PXYLP1: variants seen among roughly 807,000 people sequenced by gnomAD.
PXYLP1 encodes the protein acid phosphatase-like 2.
PXYLP1 carries 17 observed loss-of-function variants against 37.9 expected under a neutral mutation model. The ratio of observed to expected loss-of-function variants is 0.45; its 90% CI spans 0.31 to 0.67. The LOEUF (loss-of-function observed/expected upper bound fraction) is 0.67, where lower values mean the gene tolerates loss of function less well. PXYLP1 is among the 30% of genes least tolerant of loss of function. PXYLP1 has a pLI of 0.07. For missense variants in PXYLP1, 511 were observed against 612.0 expected (o/e 0.84, Z 1.74); for synonymous variants, 221 against 232.2 (o/e 0.95, Z 0.44).
At chr3:141,278,212 C>T (rs1319161057) in intron 2 of PXYLP1, 130 bp from the exon 3 acceptor site, 20 of 1,054,770 alleles carry the variant, frequency 1.9e-5, no homozygotes, top group Non-Finnish European at 2.5e-5. Context: ...GACTTCTGCT[C>T]CACTGAAGTG....
intron 2 of PXYLP1, among the ~76,000 whole-genome samples, chr3:141,266,139 A>G (rs1364274497): frequency 6.6e-6 from 1 of 152,240 alleles, no homozygotes; most frequent in Non-Finnish European, 1.5e-5. Context: ...TCCTTGGAGC[A>G]GTGGAAGCTG....
intron 2 of PXYLP1, among the ~76,000 whole-genome samples, chr3:141,276,111 G>C (rs1941788336): frequency 6.6e-6 from 1 of 152,254 alleles, no homozygotes; most frequent in Non-Finnish European, 1.5e-5. Flanking sequence ...TGACCAAATA[G>C]CCTAGGTGTG....
At chr3:141,261,173 G>A (rs143385182) in intron 2 of PXYLP1, among the ~76,000 whole-genome samples, 15 of 152,000 alleles carry the variant, frequency 9.9e-5, no homozygotes, top group Non-Finnish European at 2.2e-4. Context: ...TTGAAATAGG[G>A]TCTTAGTCTG....
At chr3:141,236,662 T>C (rs545577746) in intron 1 of PXYLP1, among the ~76,000 whole-genome samples, 2 of 152,350 alleles carry the variant, frequency 1.3e-5, no homozygotes, top group South Asian at 4.1e-4. Context: ...AAAATGAAGC[T>C]CTTACTTGCT....
At chr3:141,273,065 G>A in intron 2 of PXYLP1, 3 of 985,456 alleles carry the variant, frequency 3.0e-6, no homozygotes, top group Non-Finnish European at 3.6e-6. Flanking sequence ...CAACCAGTGA[G>A]TGCAGGGGGC....
intron 4 of PXYLP1, among the ~76,000 whole-genome samples, chr3:141,286,047 A>G (rs1459441467): frequency 3.3e-5 from 5 of 152,184 alleles, no homozygotes; most frequent in Admixed American, 3.3e-4. Context: ...GGGCCTTCAG[A>G]CAGCAGGGGT....
At position 141,292,556 on chromosome 3, in the gene PXYLP1, G is replaced by A. The variant is rs140468634; in HGVS notation, c.794G>A (p.Arg265His). ...EKEQRRQYLL[R>H]LKNSQLEKTY... ...GAGCAGCGTCGTCAGTACCTCCTACGTTTGAAAAACAGCCAGCTGGAGAAG... is the reference window on the plus strand; with the variant it reads ...GAGCAGCGTCGTCAGTACCTCCTACATTTGAAAAACAGCCAGCTGGAGAAG... The change falls in exon 6 of 6, where the codon CGT (arginine) becomes CAT (histidine). Residue 265 changes from arginine to histidine, a missense_variant. Physicochemically the swap from Arg to His is conservative, Grantham distance 29. Transcript: ENST00000286353. The surrounding 1 kb of genome is among the most constrained non-coding windows in gnomAD (Gnocchi z 4.3). 25 of 1,614,028 alleles carry A rather than the reference G, an allele frequency of 1.5e-5. No individual in the cohort carries two copies. Among genetic ancestry groups the A allele is most frequent in the African/African-American group, 5.3e-5 (4 of 74,904 alleles).
At chr3:141,274,878 G>A (rs146326631) in intron 2 of PXYLP1, among the ~76,000 whole-genome samples, 223 of 152,280 alleles carry the variant, frequency 1.5e-3, no homozygotes, top group African/African-American at 5.3e-3. Flanking sequence ...GTCAGATTTC[G>A]GGAGCAGAGG....
At chr3:141,260,358 A>T (rs1357919677) in intron 2 of PXYLP1, 104 bp downstream of exon 2, 1 of 1,326,150 alleles carries the variant, frequency 7.5e-7, no homozygotes, top group African/African-American at 1.5e-5. Context: ...GGCTGAAGAC[A>T]ACGAAGTCTT....
At chr3:141,287,932 A>T (rs561221585) in intron 5 of PXYLP1, among the ~76,000 whole-genome samples, 2 of 152,356 alleles carry the variant, frequency 1.3e-5, no homozygotes, top group African/African-American at 4.8e-5. Flanking sequence ...TTGATCATTT[A>T]TTTAACTAAT....
rs762789083 is a variant in PXYLP1, at chr3:141,279,524, A to T, written c.365+20A>T. 3.1e-6 allele frequency: 5 copies of T among 1,613,938 alleles called. No homozygotes were observed. In the Admixed American group the frequency reaches 6.7e-5, roughly 22 times the overall value. ...TAACAGGTAAATTGCACTTTTTCTA[A>T]AAGTCATTTTCAAGTGTCTGTTATA... On this transcript the variant is annotated intron_variant, in intron 4 of 5. Coordinates refer to ENST00000286353, the MANE Select transcript of PXYLP1 (RefSeq NM_001037172.3).
At chr3:141,259,615 C>T (rs1941345060) in intron 1 of PXYLP1, among the ~76,000 whole-genome samples, 1 of 152,066 alleles carries the variant, frequency 6.6e-6, no homozygotes, top group Non-Finnish European at 1.5e-5. Context: ...CTTTTGCACA[C>T]CCAGACCATC....
At chr3:141,247,299 T>C (rs935152261) in intron 1 of PXYLP1, among the ~76,000 whole-genome samples, 11 of 152,226 alleles carry the variant, frequency 7.2e-5, no homozygotes, top group Non-Finnish European at 1.6e-4. Flanking sequence ...CCATGGAGCA[T>C]TATGGGAAAC....
At chr3:141,235,250 A>C (rs994083828) in intron 1 of PXYLP1, 3 of 152,274 alleles carry the variant, frequency 2.0e-5, no homozygotes, top group Non-Finnish European at 4.4e-5. Context: ...CTTGAAAGCC[A>C]GCTGAGACTT....
At chr3:141,247,776 C>T (rs1045089951) in intron 1 of PXYLP1, among the ~76,000 whole-genome samples, 2 of 152,178 alleles carry the variant, frequency 1.3e-5, no homozygotes, top group African/African-American at 4.8e-5. Context: ...GAAACTCCAT[C>T]TAGAAACTTG....
Position 141,278,455 on chromosome 3 carries a change from C to G in PXYLP1, c.193C>G (p.Leu65Val). The change falls in exon 3 of 6, where the codon CTT becomes GTT. Residue 65 changes from leucine (L) to valine (V), a missense_variant. Coordinates refer to ENST00000286353, the MANE Select transcript of PXYLP1 (RefSeq NM_001037172.3). ...TGTGACAGACCCCGTTTATGAAGCT[C>G]TTTTGTACTGCAACATCCCCAGCGT... ...PPVTDPVYEA[L>V]LYCNIPSVAE... 2 of 1,614,212 alleles carry G rather than the reference C, an allele frequency of 1.2e-6. No individual in the cohort carries two copies. The highest frequency in any genetic ancestry group is 1.7e-5 in the Admixed American group (1 of 60,034).
At chr3:141,253,027 A>G (rs1941178344) in intron 1 of PXYLP1, among the ~76,000 whole-genome samples, 2 of 152,058 alleles carry the variant, frequency 1.3e-5, no homozygotes, top group South Asian at 4.1e-4. Context: ...GGCCCTAGAA[A>G]ATAAGGGTAG....
At chr3:141,239,186 A>G (rs1280257441) in intron 1 of PXYLP1, among the ~76,000 whole-genome samples, 1 of 152,178 alleles carries the variant, frequency 6.6e-6, no homozygotes, top group African/African-American at 2.4e-5. Context: ...TGTTTTACAA[A>G]TGGCTCCCCA....
intron 2 of PXYLP1, among the ~76,000 whole-genome samples, chr3:141,268,974 G>A (rs1005002369): frequency 6.6e-6 from 1 of 152,210 alleles, no homozygotes; most frequent in Non-Finnish European, 1.5e-5. Flanking sequence ...CTGGCCAGGG[G>A]TCTGCCCGTC....
Sources: gnomAD v4.1 joint callset for allele counts (sites outside exome capture counted in the v4.1 genomes callset) on GRCh38, gnomAD v4.1.1 for gene constraint, Gnocchi (gnomAD v3.1) non-coding constraint, MANE v1.5 for transcripts, NCBI Gene and HGNC (gene_info 2026-07-23, HGNC 2026-07-21) for gene names.